Variants in STK17B observed in about 807,000 individuals in gnomAD.
STK17B encodes the protein serine/threonine kinase 17b, also known as serine/threonine-protein kinase 17B.
A neutral mutation model predicts 42.0 loss-of-function variants in STK17B; 21 were observed. The ratio of observed to expected loss-of-function variants is 0.50; its 90% confidence interval spans 0.35 to 0.72. The LOEUF is 0.72. Ranked by LOEUF, STK17B falls within the 30% of genes least tolerant of loss-of-function variation. The probability of loss-of-function intolerance (pLI) is 0.00; values close to 1 mark genes in which losing one functional copy is unlikely to be tolerated. For missense variants in STK17B, 349 were observed against 446.0 expected (o/e 0.78, Z 1.96); for synonymous variants, 143 against 148.4 (o/e 0.96, Z 0.26).
rs748433002 is a variant in STK17B at position 196,163,385 on chromosome 2, T to G, written c.-2A>C. ...GCAATCAAATCTCCTCCTCGACATG[T>G]TAGGTGATTCCCAGGTCTGCTTCTT... On this transcript the variant is annotated 5_prime_UTR_variant, in exon 2 of 8. Coordinates refer to ENST00000263955, the MANE Select transcript of STK17B (RefSeq NM_004226.4). The G allele has an allele frequency of 6.3e-7, 1 of 1,584,980 alleles. No homozygotes were observed. Among genetic ancestry groups the G allele is most frequent in the Non-Finnish European group, 8.5e-7 (1 of 1,171,320 alleles).
At chr2:196,147,949 C>T (rs138097368) in intron 3 of STK17B, among the ~76,000 whole-genome samples, 5,206 of 152,114 alleles carry the variant, frequency 0.034, 123 homozygotes, top group Non-Finnish European at 0.054. Flanking sequence ...AGGATGGTCT[C>T]GATCTCTTGA....
At chr2:196,156,375 A>G in intron 3 of STK17B, 64 bp downstream of exon 3, 1 of 1,297,532 alleles carries the variant, frequency 7.7e-7, no homozygotes, top group Non-Finnish European at 1.1e-6. Context: ...TATCATTCTT[A>G]TTCTTGACAT....
chr2:196,144,997 G>T (rs1234396380), intron 4 of STK17B, among the ~76,000 whole-genome samples: 2 of 151,920 alleles, frequency 1.3e-5, no homozygotes, highest in East Asian at 3.9e-4. Flanking sequence ...TACTTGGGTT[G>T]ATGTTAGCAG....
rs1360428008 is a variant in STK17B at position 196,134,966 on chromosome 2, C to T, written c.*2481G>A. 1 of 152,138 alleles carries T rather than the reference C, an allele frequency of 6.6e-6. No homozygotes were observed. The highest frequency in any genetic ancestry group is 1.5e-5 in the Non-Finnish European group (1 of 68,018). The allele number at this position is 152,138 out of a possible 1,614,324, so 9.4% of individuals were successfully genotyped here. A position where few individuals can be genotyped will look rare whatever the true frequency, so the allele number is the denominator to read the frequency against. On this transcript the variant is annotated 3_prime_UTR_variant, in exon 8 of 8. Coordinates refer to ENST00000263955, the MANE Select transcript of STK17B (RefSeq NM_004226.4). ...ATCAATAACGTTATTTAAATTCACACCTTTGTAAAAAGAGTGGATTTTTAT... is the reference window on the plus strand; with the variant it reads ...ATCAATAACGTTATTTAAATTCACATCTTTGTAAAAAGAGTGGATTTTTAT...
chr2:196,140,577 C>CTTTTTTTTTTTTT (rs58205758), intron 6 of STK17B, among the ~76,000 whole-genome samples: 2 of 101,478 alleles, frequency 2.0e-5, no homozygotes, highest in Non-Finnish European at 3.9e-5. Context: ...CTTCTTCTAG[C>CTTTTTTTTTTTTT]TTTTTTTTTT....
At chr2:196,158,233 C>G (rs1699764179) in intron 2 of STK17B, among the ~76,000 whole-genome samples, 1 of 152,138 alleles carries the variant, frequency 6.6e-6, no homozygotes, top group Non-Finnish European at 1.5e-5. Flanking sequence ...TGGGGGACTA[C>G]ACTGCTTGAC....
At chr2:196,163,466 T>A in intron 1 of STK17B, 39 bp from the exon 2 acceptor site, 10 of 1,465,138 alleles carry the variant, frequency 6.8e-6, no homozygotes, top group Non-Finnish European at 9.1e-6. Context: ...AGATGTTATC[T>A]CAGGCAGGAT....
At chr2:196,172,244 G>A (rs1337155978), upstream of STK17B, among the ~76,000 whole-genome samples, 1 of 148,122 alleles carries the variant, frequency 6.8e-6, no homozygotes, top group East Asian at 1.9e-4. Context: ...AGCCGATTTT[G>A]CATTTATAGT....
At chr2:196,141,521 T>A (rs552487126) in intron 5 of STK17B, among the ~76,000 whole-genome samples, 3 of 152,188 alleles carry the variant, frequency 2.0e-5, no homozygotes, top group Admixed American at 2.0e-4. Context: ...TAGCCAGGTG[T>A]GATGGCACAT....
At position 196,143,457 on chromosome 2, in the gene STK17B, C is replaced by T. The variant is rs1427211732; in HGVS notation, c.607+103G>A. The T allele has an allele frequency of 3.4e-6, 4 of 1,160,546 alleles. No individual in the cohort carries two copies. The Admixed American group carries it at 8.5e-5, about 25-fold the overall frequency. 71.9% of individuals were successfully genotyped at this position (1,160,546 alleles called of 1,614,324 possible). A position where few individuals can be genotyped will look rare whatever the true frequency, so the allele number is the denominator to read the frequency against. On this transcript the variant is annotated intron_variant, in intron 5 of 7. Transcript: ENST00000263955. ...TCAAAATACTTGAACCAATCAAATCCTTTTAACTGAATCGAATTACATGCT... is the reference window on the plus strand; with the variant it reads ...TCAAAATACTTGAACCAATCAAATCTTTTTAACTGAATCGAATTACATGCT...
chr2:196,171,786 CGTGGCGGCGCAG>C, upstream of STK17B, among the ~76,000 whole-genome samples: 1 of 114,944 alleles, frequency 8.7e-6, no homozygotes, highest in Non-Finnish European at 1.8e-5. Flanking sequence ...GGCGCGGCGG[CGTGGCGGCGCAG>C]GTGGGGCGCA....
At chr2:196,175,773 T>C (rs1159422550), upstream of STK17B, among the ~76,000 whole-genome samples, 2 of 152,230 alleles carry the variant, frequency 1.3e-5, no homozygotes, top group Non-Finnish European at 2.9e-5. Context: ...AGTTAGGCAG[T>C]GTAGGTCTGA....
intron 5 of STK17B, among the ~76,000 whole-genome samples, chr2:196,142,785 GAA>G (rs1699511460): frequency 6.6e-6 from 1 of 152,056 alleles, no homozygotes; most frequent in Non-Finnish European, 1.5e-5. Flanking sequence ...TTTATTTTTG[GAA>G]AAGACAGCTG....
intron 3 of STK17B, chr2:196,153,034 C>T (rs1426756598): frequency 6.6e-6 from 1 of 151,950 alleles, no homozygotes; most frequent in Non-Finnish European, 1.5e-5. Context: ...ATCCTCCGGC[C>T]TCGGCCTCCC....
At chr2:196,144,111 G>A (rs116106121) in intron 4 of STK17B, among the ~76,000 whole-genome samples, 5,590 of 151,650 alleles carry the variant, frequency 0.037, 328 homozygotes, top group East Asian at 0.27. Context: ...GCAGGGGTGG[G>A]AGGATCGTTT....
chr2:196,168,509 G>A (rs577240412), intron 1 of STK17B, among the ~76,000 whole-genome samples: 1 of 152,246 alleles, frequency 6.6e-6, no homozygotes, highest in Non-Finnish European at 1.5e-5. Context: ...AATGGAATCT[G>A]CCTTTAAGGA....
intron 5 of STK17B, among the ~76,000 whole-genome samples, 159 bp from the exon 6 acceptor site, chr2:196,141,456 C>T (rs1186601687): frequency 5.9e-5 from 9 of 152,270 alleles, no homozygotes; most frequent in Middle Eastern, 3.4e-3. Context: ...GATCACAGTT[C>T]GAGACCAGCC....
At chr2:196,149,415 C>T (rs530975417) in intron 3 of STK17B, among the ~76,000 whole-genome samples, 12 of 152,252 alleles carry the variant, frequency 7.9e-5, no homozygotes, top group East Asian at 7.7e-4. Context: ...CCGCCCGCCT[C>T]GGCCTCCCAA....
At chr2:196,174,305 C>CT (rs1208151322), upstream of STK17B, 3 of 152,242 alleles carry the variant, frequency 2.0e-5, no homozygotes, top group Non-Finnish European at 4.4e-5. Context: ...TCACCATATT[C>CT]TGTCCAGGGA....
Sources: allele counts gnomAD v4.1 joint callset (sites outside exome capture counted in the v4.1 genomes callset), GRCh38; gene constraint gnomAD v4.1.1; transcripts MANE v1.5; gene names NCBI Gene and HGNC (gene_info 2026-07-23, HGNC 2026-07-21).